Variants in DLG2 observed in about 807,000 individuals in gnomAD.
DLG2 encodes the protein disks large homolog 2.
In DLG2, 45 loss-of-function variants were observed where a neutral mutation model predicts 132.5. The ratio of observed to expected loss-of-function variants is 0.34; its 90% CI spans 0.27 to 0.44. The LOEUF is 0.44. Ranked by LOEUF, DLG2 falls within the 20% of genes least tolerant of loss-of-function variation. The probability of loss-of-function intolerance (pLI) is 1.00; values close to 1 mark genes in which losing one functional copy is unlikely to be tolerated. For missense variants in DLG2, 1,045 were observed against 1,196.9 expected (o/e 0.87, Z 1.87); for synonymous variants, 424 against 419.6 (o/e 1.01, Z -0.13).
chr11:83,470,918 G>T (rs549491235), intron 24 of DLG2, among the ~76,000 whole-genome samples: 1 of 152,044 alleles, frequency 6.6e-6, no homozygotes, highest in Non-Finnish European at 1.5e-5. Context: ...GTCTACATAC[G>T]TAGAAGGTCT....
chr11:85,027,327 G>A (rs940699430), intron 6 of DLG2, among the ~76,000 whole-genome samples: 3 of 151,956 alleles, frequency 2.0e-5, no homozygotes, highest in South Asian at 2.1e-4. Flanking sequence ...TGGGTTATTC[G>A]ATTTTTTTTG....
intron 9 of DLG2, among the ~76,000 whole-genome samples, chr11:84,106,910 T>G (rs558521251): frequency 1.4e-4 from 19 of 135,028 alleles, no homozygotes; most frequent in African/African-American, 4.8e-4. Flanking sequence ...GGGGTGTGTG[T>G]GTGAGAGAAG....
rs1432143679 is a variant in DLG2 at position 84,585,966 on chromosome 11, C to G, written c.358-51235G>C. Among the ~76,000 whole-genome samples the G allele has an allele frequency of 2.0e-5, 3 of 152,138 alleles. No homozygotes were observed. The East Asian group carries it at 5.8e-4, about 29-fold the overall frequency. ...CAAGAGTTTGAGACCAGCCGGGCAA[C>G]ATGGTGAAACCCTGTCTCTACTAAA... On this transcript the variant is annotated intron_variant, in intron 6 of 27. Coordinates refer to ENST00000376104, the MANE Select transcript of DLG2 (RefSeq NM_001142699.3).
chr11:84,041,023 G>T lies in DLG2; in HGVS notation c.919+18292C>A, dbSNP rs563583802. Among the ~76,000 whole-genome samples, 105 of 151,550 alleles carry T rather than the reference G, an allele frequency of 6.9e-4. 1 individual carries two copies. Among genetic ancestry groups the T allele is most frequent in the South Asian group, 2.1e-3 (10 of 4,802 alleles). On this transcript the variant is annotated intron_variant, in intron 11 of 27. Transcript: ENST00000376104. ...TCACTCATGATTTGGCTCTCTGTTT[G>T]TCTGTTGTTGGTGTATAAGAATGCT...
chr11:83,771,433 T>C (rs979703908), intron 18 of DLG2, among the ~76,000 whole-genome samples: 5 of 152,174 alleles, frequency 3.3e-5, no homozygotes, highest in Admixed American at 6.5e-5. Context: ...TTAACAATGG[T>C]GATTATGTCT....
chr11:83,635,305 T>C (rs1425585296), intron 18 of DLG2, among the ~76,000 whole-genome samples: 1 of 152,174 alleles, frequency 6.6e-6, no homozygotes, highest in Non-Finnish European at 1.5e-5. Context: ...TTTGAGCAAG[T>C]CGTATTTTCT....
chr11:84,315,402 C>T (rs2098343175), intron 7 of DLG2, among the ~76,000 whole-genome samples: 1 of 152,120 alleles, frequency 6.6e-6, no homozygotes, highest in Non-Finnish European at 1.5e-5. Context: ...TTTCTCTGCT[C>T]TGTGCAACAA....
chr11:83,966,308 ATGGT>A (rs769714398), intron 12 of DLG2, among the ~76,000 whole-genome samples: 49 of 151,994 alleles, frequency 3.2e-4, no homozygotes, highest in Admixed American at 2.6e-3. Context: ...TCACTTTAAA[ATGGT>A]TCTCATCAAA....
At chr11:83,660,543 T>C (rs1591930735) in intron 18 of DLG2, among the ~76,000 whole-genome samples, 1 of 152,196 alleles carries the variant, frequency 6.6e-6, no homozygotes, top group East Asian at 1.9e-4. Context: ...TGCATATATT[T>C]TTATGGATGG....
intron 7 of DLG2, among the ~76,000 whole-genome samples, chr11:84,531,624 C>T (rs905404004): frequency 2.0e-5 from 3 of 152,122 alleles, no homozygotes; most frequent in African/African-American, 7.2e-5. Context: ...TGATGAGCTT[C>T]CCTTTCCCTC....
chr11:85,475,403 A>C (rs2093110386), intron 3 of DLG2, among the ~76,000 whole-genome samples: 1 of 151,994 alleles, frequency 6.6e-6, no homozygotes, highest in Non-Finnish European at 1.5e-5. Flanking sequence ...ACCAAAATCA[A>C]CCAGAGTACA....
At chr11:84,400,654 G>T (rs1347397057) in intron 7 of DLG2, among the ~76,000 whole-genome samples, 1 of 152,052 alleles carries the variant, frequency 6.6e-6, no homozygotes, top group South Asian at 2.1e-4. Flanking sequence ...TGGAAACTAA[G>T]TTTCCTTTTC....
chr11:85,506,008 G>T lies in DLG2; in HGVS notation c.40+92649C>A, dbSNP rs139765091. 9.4e-3 allele frequency among the ~76,000 whole-genome samples: 1,432 copies of T among 152,314 alleles called. 21 individuals carry two copies. Among genetic ancestry groups the T allele is most frequent in the African/African-American group, 0.031 (1,283 of 41,572 alleles). On this transcript the variant is annotated intron_variant, in intron 3 of 27. Coordinates refer to ENST00000376104, the MANE Select transcript of DLG2 (RefSeq NM_001142699.3). ...CTAGATTTTCTAATTTATTTGCATA[G>T]AGGTGTTTATAGTATTCTCTGATGG...
chr11:84,607,099 C>T (rs1331903832), intron 6 of DLG2, among the ~76,000 whole-genome samples: 1 of 152,092 alleles, frequency 6.6e-6, no homozygotes, highest in East Asian at 1.9e-4. Flanking sequence ...AACAGCCAGA[C>T]ACACTACATG....
chr11:84,810,894 GAAC>G (rs778283621), intron 6 of DLG2, among the ~76,000 whole-genome samples: 1 of 152,098 alleles, frequency 6.6e-6, no homozygotes, highest in Non-Finnish European at 1.5e-5. Context: ...TAGAAATGGA[GAAC>G]AGATCAGTGG....
chr11:84,762,128 A>C (rs1414307797), intron 6 of DLG2: 1 of 152,194 alleles, frequency 6.6e-6, no homozygotes, highest in East Asian at 1.9e-4. Flanking sequence ...ATATTTGAAA[A>C]CAAGGTGGGG....
At chr11:83,567,669 A>G (rs1307430588) in intron 19 of DLG2, among the ~76,000 whole-genome samples, 1 of 152,178 alleles carries the variant, frequency 6.6e-6, no homozygotes, top group Non-Finnish European at 1.5e-5. Flanking sequence ...AAGAAGAAAG[A>G]GTTCAGGGGA....
intron 6 of DLG2, among the ~76,000 whole-genome samples, chr11:84,935,754 C>G (rs1355394904): frequency 1.3e-5 from 2 of 152,176 alleles, no homozygotes; most frequent in Non-Finnish European, 2.9e-5. Flanking sequence ...CAAAACGTCA[C>G]TAATGCTGAG....
Position 83,838,764 on chromosome 11 carries a change from C to T in DLG2, c.1566-4994G>A, listed in dbSNP as rs201545960. On this transcript the variant is annotated intron_variant, in intron 16 of 27. Transcript: ENST00000376104. ...TGCTCTAGTTTGCCATAGTCCTGAC[C>T]TCTTTCTCCTGTTCCCAGACAAAAA... 6.1e-5 allele frequency among the ~76,000 whole-genome samples: 9 copies of T among 147,422 alleles called. No individual in the cohort carries two copies. In the East Asian group the frequency reaches 1.8e-3, roughly 30 times the overall value.
Sources: gnomAD v4.1 joint callset for allele counts (sites outside exome capture counted in the v4.1 genomes callset) on GRCh38, gnomAD v4.1.1 for gene constraint, MANE v1.5 for transcripts, NCBI Gene and HGNC (gene_info 2026-07-23, HGNC 2026-07-21) for gene names.